Variants in GREB1L observed in about 807,000 individuals in gnomAD.
GREB1L encodes GREB1-like protein.
A neutral mutation model predicts 200.8 loss-of-function variants in GREB1L; 17 were observed. That is an observed-to-expected ratio of 0.08 (90% CI 0.06 to 0.13). The LOEUF is 0.13. GREB1L is among the 10% of genes least tolerant of loss of function. The pLI, the probability that GREB1L is intolerant of heterozygous loss-of-function variation, is 1.00. For missense variants in GREB1L, 1,657 were observed against 2,367.7 expected, an observed-to-expected ratio of 0.70 and a Z score of 6.23; for synonymous variants, 789 against 893.0, an observed-to-expected ratio of 0.88 and a Z score of 2.08.
rs2036978222 is a variant in GREB1L at position 21,505,559 on chromosome 18, T to C, written c.4220T>C (p.Val1407Ala). 1 of 1,551,396 alleles carries C rather than the reference T, an allele frequency of 6.4e-7. No individual in the cohort carries two copies. The highest frequency in any genetic ancestry group is 8.7e-7 in the Non-Finnish European group (1 of 1,146,966). Residue 1407 changes from valine (V) to alanine (A), a missense_variant, in exon 24 of 33, where the codon GTC (valine) becomes GCC (alanine). Physicochemically the swap from Val to Ala is moderately conservative, Grantham distance 64. Coordinates refer to ENST00000424526, the MANE Select transcript of GREB1L (RefSeq NM_001142966.3). ...SLVYTEKLAG[V>A]KQEVIKESKV... ...GTGTATACTGAGAAGCTGGCAGGGGTCAAACAAGGTCAGTGCAATCAGCCA... is the reference window on the plus strand; with the variant it reads ...GTGTATACTGAGAAGCTGGCAGGGGCCAAACAAGGTCAGTGCAATCAGCCA...
chr18:21,521,303 A>G (rs895857256), intron 32 of GREB1L, among the ~76,000 whole-genome samples: 10 of 151,014 alleles, frequency 6.6e-5, no homozygotes, highest in African/African-American at 2.4e-4. Context: ...CCCGGAAGGC[A>G]GAGGTTGCAG....
intron 15 of GREB1L, among the ~76,000 whole-genome samples, chr18:21,471,823 G>A (rs1479371686): frequency 1.3e-5 from 2 of 151,918 alleles, no homozygotes; most frequent in Non-Finnish European, 2.9e-5. Flanking sequence ...GTCTCACTAT[G>A]TTGCCCAAGC....
intron 1 of GREB1L, among the ~76,000 whole-genome samples, chr18:21,268,574 TATATATATATATATATATAC>T (rs949213397): frequency 8.0e-6 from 1 of 124,826 alleles, no homozygotes; most frequent in Non-Finnish European, 1.6e-5. Flanking sequence ...TATATATATA[TATATATATATATATATATAC>T]ATGTATATAT....
intron 1 of GREB1L, among the ~76,000 whole-genome samples, chr18:21,347,055 A>G (rs1227374487): frequency 1.3e-5 from 2 of 152,108 alleles, no homozygotes; most frequent in South Asian, 2.1e-4. Flanking sequence ...GACTTCTCCT[A>G]CCTTTTAAAA....
At chr18:21,519,838 A>G (rs935034477) in intron 31 of GREB1L, among the ~76,000 whole-genome samples, 5 of 152,000 alleles carry the variant, frequency 3.3e-5, no homozygotes, top group African/African-American at 1.2e-4. Flanking sequence ...ACTCCCAACT[A>G]TCTTACTTAC....
chr18:21,309,911 C>T (rs2038764570), intron 1 of GREB1L, among the ~76,000 whole-genome samples: 2 of 152,110 alleles, frequency 1.3e-5, no homozygotes, highest in Non-Finnish European at 2.9e-5. Flanking sequence ...ATCCCCTCCC[C>T]ACACACACTG....
intron 7 of GREB1L, among the ~76,000 whole-genome samples, chr18:21,428,196 CAAAAAAAAAAAAAAAAAAA>C (rs60750456): frequency 6.2e-5 from 3 of 48,136 alleles, no homozygotes; most frequent in African/African-American, 9.3e-5. Flanking sequence ...GACTCCGTCT[CAAAAAAAAAAAAAAAAAAA>C]AAAAAAAAAA....
chr18:21,477,196 C>A lies in GREB1L; in HGVS notation c.2396C>A (p.Pro799His). The change falls in exon 17 of 33, where the codon CCC becomes CAC. Residue 799 changes from proline to histidine, a missense_variant. Physicochemically the swap from Pro to His is moderately conservative, Grantham distance 77. Coordinates refer to ENST00000424526, the MANE Select transcript of GREB1L (RefSeq NM_001142966.3). ...TCAGGCTCTTTGTCACATAGCGAAC[C>A]CAGTCATGGGCTAGCTGATAGAGTC... is the stretch of plus-strand genomic sequence containing the variant. ...VISGSLSHSE[P>H]SHGLADRVIN... The A allele has an allele frequency of 1.3e-6, 2 of 1,551,690 alleles. No homozygotes were observed. The highest frequency in any genetic ancestry group is 1.7e-6 in the Non-Finnish European group (2 of 1,146,908).
chr18:21,446,048 C>G (rs1429413277), intron 11 of GREB1L, among the ~76,000 whole-genome samples: 1 of 151,880 alleles, frequency 6.6e-6, no homozygotes, highest in Non-Finnish European at 1.5e-5. Context: ...GTTTTGAGAC[C>G]GAGTCTCACT....
At chr18:21,277,333 C>T (rs1248773249) in intron 1 of GREB1L, among the ~76,000 whole-genome samples, 4 of 152,178 alleles carry the variant, frequency 2.6e-5, no homozygotes, top group Admixed American at 2.0e-4. Context: ...GCCAGGTTGC[C>T]ATGCTAGGGG....
chr18:21,409,875 G>A (rs1184390352), intron 7 of GREB1L, among the ~76,000 whole-genome samples: 1 of 152,006 alleles, frequency 6.6e-6, no homozygotes, highest in African/African-American at 2.4e-5. Flanking sequence ...ACTTCTGCTT[G>A]TGTGACACTG....
chr18:21,273,363 A>G (rs2038109411), intron 1 of GREB1L, among the ~76,000 whole-genome samples: 1 of 152,242 alleles, frequency 6.6e-6, no homozygotes. Flanking sequence ...TGAAGATCTT[A>G]AATTTTTTTC....
At chr18:21,345,451 T>C (rs2039331066) in intron 1 of GREB1L, among the ~76,000 whole-genome samples, 1 of 152,236 alleles carries the variant, frequency 6.6e-6, no homozygotes, top group South Asian at 2.1e-4. Context: ...ATTAAAAACA[T>C]GGCTTTGAAG....
chr18:21,459,882 A>G (rs368280951), intron 15 of GREB1L, among the ~76,000 whole-genome samples: 1 of 152,146 alleles, frequency 6.6e-6, no homozygotes, highest in Non-Finnish European at 1.5e-5. Flanking sequence ...CAGCACATGC[A>G]TTGCTGTCCG....
chr18:21,468,865 T>A, intron 15 of GREB1L: 1 of 436,912 alleles, frequency 2.3e-6, no homozygotes, highest in Non-Finnish European at 4.6e-6. Flanking sequence ...AATGTTTGAG[T>A]TTTCTCACAA....
chr18:21,334,631 G>A (rs2039157494), intron 1 of GREB1L, among the ~76,000 whole-genome samples: 3 of 151,998 alleles, frequency 2.0e-5, no homozygotes, highest in South Asian at 2.1e-4. Context: ...AAAATTAGCC[G>A]GGCATAGTGG....
At chr18:21,294,345 G>T (rs1172084242) in intron 1 of GREB1L, among the ~76,000 whole-genome samples, 2 of 151,986 alleles carry the variant, frequency 1.3e-5, no homozygotes, top group East Asian at 3.9e-4. Flanking sequence ...TCCAATACAG[G>T]TCCCTATAAA....
chr18:21,490,731 T>A (rs972528492), intron 19 of GREB1L, among the ~76,000 whole-genome samples: 1 of 152,212 alleles, frequency 6.6e-6, no homozygotes, highest in Non-Finnish European at 1.5e-5. Flanking sequence ...ATGTTTTAAG[T>A]ATCCTCAACT....
At chr18:21,398,082 T>A (rs1325328771) in intron 5 of GREB1L, among the ~76,000 whole-genome samples, 3 of 152,214 alleles carry the variant, frequency 2.0e-5, no homozygotes, top group Non-Finnish European at 4.4e-5. Context: ...AATGATTCTT[T>A]GTGACTAGAG....
Sources: gnomAD v4.1 joint callset for allele counts (sites outside exome capture counted in the v4.1 genomes callset) on GRCh38, gnomAD v4.1.1 for gene constraint, MANE v1.5 for transcripts, NCBI Gene and HGNC (gene_info 2026-07-23, HGNC 2026-07-21) for gene names.